PCDH15: variants seen among roughly 807,000 people sequenced by gnomAD.
PCDH15 encodes the protein protocadherin related 15, also known as protocadherin-15.
Under a neutral mutation model 178.5 loss-of-function variants are expected in PCDH15, and 129 were observed. The observed-to-expected ratio is 0.72, with a 90% CI of 0.63 to 0.84. The LOEUF is 0.84. Ranked by LOEUF, PCDH15 falls within the 40% of genes least tolerant of loss-of-function variation. PCDH15 has a pLI of 0.00. For missense variants in PCDH15, 2,230 were observed against 2,099.9 expected (o/e 1.06, Z -1.21); for synonymous variants, 800 against 732.0 (o/e 1.09, Z -1.50).
At chr10:54,688,634 G>C (rs1488533390) in intron 1 of PCDH15, among the ~76,000 whole-genome samples, 1 of 152,082 alleles carries the variant, frequency 6.6e-6, no homozygotes, top group Non-Finnish European at 1.5e-5. Flanking sequence ...TTTCATCTCA[G>C]TTTGAAAATC....
chr10:54,412,403 T>G (rs1281756762), intron 3 of PCDH15, among the ~76,000 whole-genome samples: 1 of 152,038 alleles, frequency 6.6e-6, no homozygotes, highest in Non-Finnish European at 1.5e-5. Flanking sequence ...TTACAGGTAT[T>G]GTAGTTTTCT....
At chr10:55,335,191 T>C (rs541333599) in intron 2 of PCDH15, among the ~76,000 whole-genome samples, 1 of 152,222 alleles carries the variant, frequency 6.6e-6, no homozygotes, top group East Asian at 1.9e-4. Flanking sequence ...AACTTATAGA[T>C]AAGTTAATCA....
At chr10:55,516,931 T>C (rs1841027680) in intron 2 of PCDH15, among the ~76,000 whole-genome samples, 1 of 152,062 alleles carries the variant, frequency 6.6e-6, no homozygotes, top group Non-Finnish European at 1.5e-5. Flanking sequence ...TGCTACCAAC[T>C]ATAAAGGCTC....
At chr10:54,457,641 A>C (rs2076914553) in intron 3 of PCDH15, among the ~76,000 whole-genome samples, 1 of 152,154 alleles carries the variant, frequency 6.6e-6, no homozygotes, top group Non-Finnish European at 1.5e-5. Context: ...CCATGGGAAA[A>C]TTCTAGGCAT....
intron 3 of PCDH15, among the ~76,000 whole-genome samples, chr10:54,821,700 A>T (rs1007453801): frequency 6.6e-6 from 1 of 152,112 alleles, no homozygotes; most frequent in Admixed American, 6.6e-5. Flanking sequence ...TCTTCTGGCT[A>T]CTATGAATTA....
chr10:55,383,795 C>T (rs1323937260), intron 2 of PCDH15, among the ~76,000 whole-genome samples: 1 of 152,084 alleles, frequency 6.6e-6, no homozygotes, highest in East Asian at 1.9e-4. Flanking sequence ...GCCATTCCCT[C>T]TAAAGATGTT....
intron 3 of PCDH15, among the ~76,000 whole-genome samples, chr10:54,895,748 T>A (rs1347051958): frequency 6.6e-6 from 1 of 152,204 alleles, no homozygotes; most frequent in Non-Finnish European, 1.5e-5. Context: ...ATAGTTCTTA[T>A]TATTTTGAGG....
intron 20 of PCDH15, among the ~76,000 whole-genome samples, chr10:54,018,610 G>T (rs2092816048): frequency 6.6e-6 from 1 of 152,046 alleles, no homozygotes; most frequent in Admixed American, 6.6e-5. Flanking sequence ...ACCTAACAAA[G>T]TTGGTAAGTC....
intron 3 of PCDH15, among the ~76,000 whole-genome samples, chr10:54,870,743 A>G (rs566672531): frequency 3.3e-5 from 5 of 152,070 alleles, no homozygotes; most frequent in African/African-American, 4.8e-5. Context: ...CCGAGATCGC[A>G]CCACTGCACT....
chr10:54,809,775 C>T (rs1316922933), intron 3 of PCDH15, among the ~76,000 whole-genome samples: 1 of 151,782 alleles, frequency 6.6e-6, no homozygotes, highest in Non-Finnish European at 1.5e-5. Context: ...TTGAAAGAGA[C>T]AAAGAACAAA....
chr10:53,829,383 C>T (rs4417175), intron 30 of PCDH15, among the ~76,000 whole-genome samples: 58,102 of 151,940 alleles, frequency 0.38, 11,776 homozygotes, highest in East Asian at 0.75. Flanking sequence ...ACATCCAGAG[C>T]GCTTCAGTTT....
chr10:54,976,553 G>A (rs1029585519), intron 2 of PCDH15, among the ~76,000 whole-genome samples: 1 of 152,138 alleles, frequency 6.6e-6, no homozygotes, highest in Non-Finnish European at 1.5e-5. Context: ...TCTGGGTGGT[G>A]CCACAGAACC....
chr10:54,047,760 G>A (rs2093685257), intron 18 of PCDH15, among the ~76,000 whole-genome samples: 1 of 152,084 alleles, frequency 6.6e-6, no homozygotes, highest in Non-Finnish European at 1.5e-5. Flanking sequence ...CATTTTTTAT[G>A]ACTGTTTAGT....
intron 3 of PCDH15, among the ~76,000 whole-genome samples, chr10:54,873,485 TA>T (rs1409875370): frequency 6.7e-6 from 1 of 148,580 alleles, no homozygotes; most frequent in African/African-American, 2.5e-5. Context: ...TATATATATA[TA>T]ATATATATAC....
chr10:55,035,170 C>T (rs1840703907), intron 2 of PCDH15, among the ~76,000 whole-genome samples: 1 of 151,126 alleles, frequency 6.6e-6, no homozygotes, highest in Non-Finnish European at 1.5e-5. Flanking sequence ...GAACTCTGAT[C>T]TTCATTTAAA....
intron 2 of PCDH15, chr10:55,600,016 C>A: frequency 7.8e-7 from 1 of 1,281,178 alleles, no homozygotes; most frequent in South Asian, 1.7e-5. Context: ...TTCATTAATG[C>A]AAATAGATTC....
intron 8 of PCDH15, among the ~76,000 whole-genome samples, chr10:54,316,193 T>C (rs923412901): frequency 3.9e-5 from 6 of 152,118 alleles, no homozygotes; most frequent in African/African-American, 1.2e-4. Context: ...CCAGTGATCA[T>C]TGCTGTGAGT....
intron 2 of PCDH15, among the ~76,000 whole-genome samples, chr10:55,346,832 A>G (rs2131961649): frequency 6.6e-6 from 1 of 152,122 alleles, no homozygotes; most frequent in Middle Eastern, 3.4e-3. Flanking sequence ...GTGAGATGAA[A>G]GTTCAAGTGA....
At chr10:55,481,130 G>A (rs1304543361) in intron 2 of PCDH15, among the ~76,000 whole-genome samples, 5 of 151,844 alleles carry the variant, frequency 3.3e-5, no homozygotes, top group Non-Finnish European at 7.4e-5. Context: ...GCATAGAAGT[G>A]TTCATAATAT....
Sources: gnomAD v4.1 joint callset for allele counts (sites outside exome capture counted in the v4.1 genomes callset) on GRCh38, gnomAD v4.1.1 for gene constraint, MANE v1.5 for transcripts, NCBI Gene and HGNC (gene_info 2026-07-23, HGNC 2026-07-21) for gene names.